RNF169: variants seen among roughly 807,000 people sequenced by gnomAD.
RNF169 encodes E3 ubiquitin-protein ligase RNF169.
RNF169 carries 24 observed loss-of-function variants against 53.9 expected under a neutral mutation model. The ratio of observed to expected loss-of-function variants is 0.45; its 90% CI spans 0.32 to 0.63. The LOEUF is 0.63. RNF169 is among the 20% of genes least tolerant of loss of function. The probability of loss-of-function intolerance (pLI) is 0.04; values close to 1 mark genes in which losing one functional copy is unlikely to be tolerated. For synonymous variants in RNF169, 396 were observed against 363.5 expected (o/e 1.09, Z -1.02); for missense variants, 883 against 906.2 (o/e 0.97, Z 0.33).
chr11:74,790,975 G>A (rs513137), intron 2 of RNF169, among the ~76,000 whole-genome samples: 93,951 of 152,170 alleles, frequency 0.62, 30,427 homozygotes, highest in East Asian at 0.8. Context: ...AGCTGTTTCT[G>A]TCCTGCCATT....
At chr11:74,770,725 T>C (rs2035247722) in intron 1 of RNF169, among the ~76,000 whole-genome samples, 1 of 152,222 alleles carries the variant, frequency 6.6e-6, no homozygotes, top group Non-Finnish European at 1.5e-5. Flanking sequence ...ATCAGTATGT[T>C]TTCACCTTAC....
intron 1 of RNF169, among the ~76,000 whole-genome samples, chr11:74,787,253 A>G (rs1192292603): frequency 2.0e-5 from 3 of 152,242 alleles, no homozygotes; most frequent in African/African-American, 7.2e-5. Context: ...AGTCAACACA[A>G]TTGATACACC....
intron 1 of RNF169, among the ~76,000 whole-genome samples, chr11:74,781,287 C>T (rs2035413584): frequency 6.6e-6 from 1 of 152,226 alleles, no homozygotes; most frequent in South Asian, 2.1e-4. Flanking sequence ...CTCATTCTAA[C>T]TGCCTATCAG....
At chr11:74,772,879 C>T (rs1290191245) in intron 1 of RNF169, among the ~76,000 whole-genome samples, 2 of 152,190 alleles carry the variant, frequency 1.3e-5, no homozygotes, top group East Asian at 3.9e-4. Context: ...AAATGTATTT[C>T]TTACTGTGGA....
chr11:74,790,604 C>A (rs1420716534), intron 2 of RNF169, among the ~76,000 whole-genome samples: 3 of 152,196 alleles, frequency 2.0e-5, no homozygotes, highest in African/African-American at 4.8e-5. Flanking sequence ...CTGGATCTCA[C>A]ACCTGCTAAA....
At chr11:74,782,333 G>A (rs1407788324) in intron 1 of RNF169, among the ~76,000 whole-genome samples, 1 of 152,152 alleles carries the variant, frequency 6.6e-6, no homozygotes, top group Non-Finnish European at 1.5e-5. Context: ...CAACCCCTGG[G>A]CTGCGGACTG....
chr11:74,789,505 G>A (rs191957762), intron 1 of RNF169, 121 bp from the exon 2 acceptor site: 52 of 610,250 alleles, frequency 8.5e-5, no homozygotes, highest in Middle Eastern at 5.6e-4. Flanking sequence ...AAGACTTAGC[G>A]TTTATTCTGT....
intron 3 of RNF169, among the ~76,000 whole-genome samples, chr11:74,813,372 T>C (rs1439533748): frequency 1.3e-5 from 2 of 152,222 alleles, no homozygotes; most frequent in Non-Finnish European, 2.9e-5. Context: ...TCTGTTATTT[T>C]TTTAGAATAG....
intron 2 of RNF169, among the ~76,000 whole-genome samples, chr11:74,808,840 C>A (rs893750488): frequency 1.3e-5 from 2 of 152,104 alleles, no homozygotes; most frequent in Non-Finnish European, 2.9e-5. Context: ...TTAGTGTAGA[C>A]TATAGTTTTG....
At chr11:74,810,380 AG>A in intron 3 of RNF169, 50 bp downstream of exon 3, 1 of 1,577,404 alleles carries the variant, frequency 6.3e-7, no homozygotes, top group South Asian at 1.1e-5. Flanking sequence ...ATCAGTGGTT[AG>A]CCCAGGTGAC....
rs1464911270 is a variant in RNF169, at chr11:74,810,191, A to C, written c.584A>C (p.Glu195Ala). 1.2e-6 allele frequency: 2 copies of C among 1,606,876 alleles called. No homozygotes were observed. The highest frequency in any genetic ancestry group is 2.2e-5 in the South Asian group (2 of 89,766). The change falls in exon 3 of 6, where the codon GAA (glutamate) becomes GCA (alanine). Residue 195 changes from glutamate to alanine, a missense_variant. This residue lies in a region of RNF169 where 219 missense variants were observed against 289.1 expected (regional missense o/e 0.76). Coordinates refer to ENST00000299563, the MANE Select transcript of RNF169 (RefSeq NM_001098638.2). The part of the protein sequence containing the change: ...EEYESLRKLR[E>A]EKLQEEKPSE... The stretch of plus-strand genomic sequence containing the variant: ...CATAATTTATATTTTTAGCTGAGAG[A>C]AGAAAAGTTACAAGAGGAAAAACCC...
At chr11:74,801,048 T>C (rs512782) in intron 2 of RNF169, among the ~76,000 whole-genome samples, 52,453 of 152,114 alleles carry the variant, frequency 0.34, 11,089 homozygotes, top group African/African-American at 0.6. Flanking sequence ...ATATTATTTT[T>C]GCATAAATAT....
chr11:74,823,452 G>A (rs1269291321), intron 4 of RNF169, among the ~76,000 whole-genome samples: 1 of 152,052 alleles, frequency 6.6e-6, no homozygotes. Context: ...AAAAATGCAC[G>A]TGGCTGAGTT....
At chr11:74,750,433 T>C (rs1368284877) in intron 1 of RNF169, among the ~76,000 whole-genome samples, 1 of 152,024 alleles carries the variant, frequency 6.6e-6, no homozygotes, top group East Asian at 1.9e-4. Flanking sequence ...TGTATACAAG[T>C]GCAGCTTCTA....
chr11:74,807,569 C>A (rs1304269508), intron 2 of RNF169, among the ~76,000 whole-genome samples: 2 of 152,134 alleles, frequency 1.3e-5, no homozygotes, highest in Admixed American at 1.3e-4. Flanking sequence ...GCTTTAAAAT[C>A]CAGGCTCTTC....
chr11:74,749,460 A>G, intron 1 of RNF169, 78 bp downstream of exon 1: 2 of 1,134,032 alleles, frequency 1.8e-6, no homozygotes, highest in Non-Finnish European at 2.2e-6. Context: ...GGGGGTGGAG[A>G]GTCCCGGGCC....
At chr11:74,804,040 C>G (rs1035918293) in intron 2 of RNF169, among the ~76,000 whole-genome samples, 2 of 152,162 alleles carry the variant, frequency 1.3e-5, no homozygotes, top group African/African-American at 4.8e-5. Context: ...GAAAAAAAAT[C>G]ACTTCTCAGC....
At chr11:74,790,069 T>A (rs1461253818) in intron 2 of RNF169, among the ~76,000 whole-genome samples, 1 of 152,366 alleles carries the variant, frequency 6.6e-6, no homozygotes, top group African/African-American at 2.4e-5. Context: ...GCTGGTGTTA[T>A]CCATTATTGC....
intron 1 of RNF169, among the ~76,000 whole-genome samples, chr11:74,754,747 G>C (rs529436398): frequency 1.3e-5 from 2 of 152,302 alleles, no homozygotes; most frequent in East Asian, 3.9e-4. Flanking sequence ...TTCAACCCGG[G>C]AGGTAGAGGT....
Sources: allele counts gnomAD v4.1 joint callset (sites outside exome capture counted in the v4.1 genomes callset), GRCh38; gene constraint gnomAD v4.1.1; regional missense constraint gnomAD v4.1.1; transcripts MANE v1.5; gene names NCBI Gene and HGNC (gene_info 2026-07-23, HGNC 2026-07-21).